Variants in KHDRBS2 observed in about 807,000 individuals in gnomAD.
KHDRBS2 encodes the protein KH RNA binding domain containing, signal transduction associated 2, also known as KH domain-containing, RNA-binding, signal transduction-associated protein 2.
KHDRBS2 carries 26 observed loss-of-function variants against 44.3 expected under a neutral mutation model. That is an observed-to-expected ratio of 0.59 (90% CI 0.43 to 0.81). The LOEUF is 0.81. Among genes scored for constraint, KHDRBS2 ranks in the 40% least tolerant of loss-of-function variants. The pLI is 0.00. For synonymous variants in KHDRBS2, 194 were observed against 151.1 expected (o/e 1.28, Z -2.08); for missense variants, 476 against 433.1 (o/e 1.10, Z -0.88).
chr6:61,844,244 C>T (rs1012422465), intron 6 of KHDRBS2, among the ~76,000 whole-genome samples: 1 of 152,062 alleles, frequency 6.6e-6, no homozygotes. Context: ...TGGCATCATC[C>T]AACCTCTGTT....
chr6:61,550,710 C>A, the KHDRBS2 span, among the ~76,000 whole-genome samples: 122 of 150,410 alleles, frequency 8.1e-4, no homozygotes, highest in Non-Finnish European at 1.5e-3. Flanking sequence ...ACCCCTCCAG[C>A]ACATATTTTT....
intron 7 of KHDRBS2, among the ~76,000 whole-genome samples, chr6:61,699,929 C>T (rs1050483881): frequency 2.0e-5 from 3 of 151,956 alleles, no homozygotes; most frequent in African/African-American, 7.2e-5. Flanking sequence ...TTGTAGAAGG[C>T]TAATGGCATT....
At chr6:62,061,599 C>T (rs1212828328) in intron 2 of KHDRBS2, among the ~76,000 whole-genome samples, 2 of 150,260 alleles carry the variant, frequency 1.3e-5, no homozygotes, top group Non-Finnish European at 3.0e-5. Context: ...CTCTGGCTGC[C>T]CTTAACATTT....
intron 4 of KHDRBS2, among the ~76,000 whole-genome samples, chr6:61,959,198 T>C: frequency 6.6e-6 from 1 of 152,294 alleles, no homozygotes. Context: ...ATGAGATTGT[T>C]AAGAATAGAA....
intron 4 of KHDRBS2, among the ~76,000 whole-genome samples, chr6:61,933,339 T>C (rs533821299): frequency 6.7e-6 from 1 of 150,148 alleles, no homozygotes; most frequent in South Asian, 2.1e-4. Flanking sequence ...ACATGAGATT[T>C]CAGTGAGAAA....
intron 2 of KHDRBS2, among the ~76,000 whole-genome samples, chr6:62,147,250 G>A (rs1814142764): frequency 6.6e-6 from 1 of 151,826 alleles, no homozygotes; most frequent in Non-Finnish European, 1.5e-5. Flanking sequence ...CTTTGGAGAT[G>A]GCCCAAACTG....
At chr6:62,277,462 C>T (rs1841126301) in intron 1 of KHDRBS2, among the ~76,000 whole-genome samples, 1 of 152,134 alleles carries the variant, frequency 6.6e-6, no homozygotes, top group Non-Finnish European at 1.5e-5. Flanking sequence ...CTGCCTCAGC[C>T]TCCCGAGTAG....
Position 61,684,437 on chromosome 6 carries a change from C to T in KHDRBS2, c.953-3377G>A, listed in dbSNP as rs762608743. Among the ~76,000 whole-genome samples, 4 of 151,724 alleles carry T rather than the reference C, an allele frequency of 2.6e-5. No homozygotes were observed. In the South Asian group the frequency reaches 6.2e-4, roughly 24 times the overall value. On this transcript the variant is annotated intron_variant, in intron 8 of 8. Coordinates refer to ENST00000281156, the MANE Select transcript of KHDRBS2 (RefSeq NM_152688.4). ...TCTCTGAAATTTGAAGTTGTAAAGA[C>T]CCACGAATGAACTTAGAATTTATCT...
chr6:62,012,081 A>G (rs1254269688), intron 3 of KHDRBS2, among the ~76,000 whole-genome samples: 3 of 146,276 alleles, frequency 2.1e-5, no homozygotes, highest in African/African-American at 7.3e-5. Flanking sequence ...CTTTACTCAT[A>G]TAACAATCCC....
intron 6 of KHDRBS2, among the ~76,000 whole-genome samples, chr6:61,799,126 G>A (rs1008091123): frequency 4.6e-5 from 7 of 151,960 alleles, no homozygotes; most frequent in African/African-American, 1.7e-4. Flanking sequence ...TTTTAATGCT[G>A]CAGTTCTTTG....
intron 4 of KHDRBS2, among the ~76,000 whole-genome samples, chr6:61,966,864 C>T (rs1249535770): frequency 1.3e-5 from 2 of 151,686 alleles, no homozygotes; most frequent in Non-Finnish European, 2.9e-5. Context: ...AAAACCTCTC[C>T]TTAAACAGTA....
At chr6:61,795,308 G>A (rs1785178925) in intron 6 of KHDRBS2, among the ~76,000 whole-genome samples, 1 of 152,024 alleles carries the variant, frequency 6.6e-6, no homozygotes, top group Non-Finnish European at 1.5e-5. Flanking sequence ...GAATTATTGT[G>A]TATGGCTTAC....
chr6:62,020,583 ACTTTTGAC>A (rs1782078236), intron 3 of KHDRBS2, among the ~76,000 whole-genome samples: 2 of 23,070 alleles, frequency 8.7e-5, no homozygotes, highest in Non-Finnish European at 2.0e-4. Flanking sequence ...TTATTAATGC[ACTTTTGAC>A]AGTTTTTGCT....
Position 61,980,138 on chromosome 6 carries a change from C to T in KHDRBS2, c.337-1926G>A, listed in dbSNP as rs146347812. On this transcript the variant is annotated intron_variant, in intron 3 of 8. Transcript: ENST00000281156. Reference sequence around the variant, plus strand: ...TCATTTGCTACTTGGGATGACCCTTCGGAATCACATCTTCCATAAGCAGTG... The same window carrying T: ...TCATTTGCTACTTGGGATGACCCTTTGGAATCACATCTTCCATAAGCAGTG... Among the ~76,000 whole-genome samples the T allele has an allele frequency of 2.3e-3, 344 of 152,186 alleles. 1 individual carries two copies. The highest frequency in any genetic ancestry group is 3.1e-3 in the South Asian group (15 of 4,828).
chr6:62,046,483 T>G (rs993282526), intron 3 of KHDRBS2, among the ~76,000 whole-genome samples: 6 of 151,814 alleles, frequency 4.0e-5, no homozygotes, highest in Non-Finnish European at 8.8e-5. Flanking sequence ...GCTGGGGAGA[T>G]GATGACAAGC....
intron 1 of KHDRBS2, among the ~76,000 whole-genome samples, chr6:62,207,690 T>C (rs181881344): frequency 3.9e-5 from 6 of 152,176 alleles, no homozygotes; most frequent in Non-Finnish European, 4.4e-5. Context: ...GTCAACCCCA[T>C]TGATTGTCAT....
chr6:61,966,572 C>A (rs1769989121), intron 4 of KHDRBS2, among the ~76,000 whole-genome samples: 1 of 151,944 alleles, frequency 6.6e-6, no homozygotes, highest in African/African-American at 2.4e-5. Context: ...GATCAGTGAT[C>A]TACTTGACCA....
intron 6 of KHDRBS2, among the ~76,000 whole-genome samples, chr6:61,757,857 A>C (rs1778728443): frequency 6.6e-6 from 1 of 152,160 alleles, no homozygotes; most frequent in African/African-American, 2.4e-5. Context: ...ATTAATAACG[A>C]AAGGTGTTTT....
the KHDRBS2 span, among the ~76,000 whole-genome samples, chr6:61,546,409 A>G: frequency 6.6e-6 from 1 of 152,098 alleles, no homozygotes; most frequent in Non-Finnish European, 1.5e-5. Context: ...GTAAATCCTC[A>G]CATAATGTCA....
Sources: allele counts gnomAD v4.1 joint callset (sites outside exome capture counted in the v4.1 genomes callset), GRCh38; gene constraint gnomAD v4.1.1; transcripts MANE v1.5; gene names NCBI Gene and HGNC (gene_info 2026-07-23, HGNC 2026-07-21).